Variants in ZEB2 observed in about 807,000 individuals in gnomAD.
ZEB2 encodes the protein zinc finger E-box binding homeobox 2.
ZEB2 carries 6 observed loss-of-function variants against 99.9 expected under a neutral mutation model. The observed-to-expected ratio is 0.06, with a 90% confidence interval of 0.03 to 0.12. The LOEUF (loss-of-function observed/expected upper bound fraction) is 0.12. ZEB2 is among the 10% of genes least tolerant of loss of function. The pLI, the probability that ZEB2 is intolerant of heterozygous loss-of-function variation, is 1.00. For missense variants in ZEB2, 969 were observed against 1,502.8 expected, an observed-to-expected ratio of 0.64 and a Z score of 5.87; for synonymous variants, 517 against 542.5, an observed-to-expected ratio of 0.95 and a Z score of 0.65.
chr2:144,520,018 A>G lies in ZEB2; in HGVS notation c.-149T>C, dbSNP rs1178647001. On this transcript the variant is annotated 5_prime_UTR_variant, in exon 1 of 10. Transcript: ENST00000627532. The stretch of plus-strand genomic sequence containing the variant: ...AGAAGCCGCGAAGTGTGGGGGAGAA[A>G]AAGGTGGAAGCGAAGAAACAGCTCC... The G allele has an allele frequency of 6.6e-6, 3 of 454,346 alleles. No homozygotes were observed. The highest frequency in any genetic ancestry group is 1.3e-5 in the Non-Finnish European group (3 of 226,782). The allele number at this position is 454,346 out of a possible 1,614,324, so 28.1% of individuals were successfully genotyped here. A position where few individuals can be genotyped will look rare whatever the true frequency, so the allele number is the denominator to read the frequency against.
intron 2 of ZEB2, among the ~76,000 whole-genome samples, chr2:144,505,625 G>A (rs1211418277): frequency 1.3e-5 from 2 of 152,168 alleles, no homozygotes; most frequent in African/African-American, 4.8e-5. Flanking sequence ...GGAGTGGGGG[G>A]TGTGGTTGAG....
At chr2:144,465,380 A>G (rs1704257154) in intron 2 of ZEB2, among the ~76,000 whole-genome samples, 1 of 152,160 alleles carries the variant, frequency 6.6e-6, no homozygotes, top group African/African-American at 2.4e-5. Context: ...GTTTATGAAG[A>G]CACTGGAGCA....
intron 3 of ZEB2, chr2:144,427,981 T>C (rs1703711457): frequency 6.6e-6 from 1 of 152,174 alleles, no homozygotes; most frequent in South Asian, 2.1e-4. Context: ...GCTGCCACAA[T>C]CACAAACTAC....
intron 2 of ZEB2, among the ~76,000 whole-genome samples, chr2:144,455,822 T>TA (rs1290237168): frequency 8.5e-5 from 13 of 152,154 alleles, no homozygotes; most frequent in Non-Finnish European, 1.5e-4. Flanking sequence ...TGGGTAAGTT[T>TA]AATATCTTTC....
At chr2:144,401,143 A>G in intron 7 of ZEB2, 56 bp downstream of exon 7, 1 of 1,495,500 alleles carries the variant, frequency 6.7e-7, no homozygotes, top group Non-Finnish European at 9.3e-7. Flanking sequence ...CAATCTTTTA[A>G]AACTCCCCTA....
chr2:144,428,998 A>G (rs771220437), intron 3 of ZEB2: 12 of 152,250 alleles, frequency 7.9e-5, no homozygotes, highest in Non-Finnish European at 1.3e-4. Context: ...GAAAGTTCAC[A>G]GGAATAAGAT....
At chr2:144,503,271 T>C (rs1704900326) in intron 2 of ZEB2, among the ~76,000 whole-genome samples, 1 of 152,194 alleles carries the variant, frequency 6.6e-6, no homozygotes, top group African/African-American at 2.4e-5. Flanking sequence ...GAAAACATAT[T>C]GTTCAGAATT....
chr2:144,431,652 A>C (rs767257588), intron 2 of ZEB2, among the ~76,000 whole-genome samples: 5 of 151,834 alleles, frequency 3.3e-5, no homozygotes, highest in Admixed American at 6.6e-5. Context: ...CAGGCTGGGT[A>C]ATGCCCTCAG....
chr2:144,481,425 A>C (rs1218236083), intron 2 of ZEB2, among the ~76,000 whole-genome samples: 1 of 152,206 alleles, frequency 6.6e-6, no homozygotes, highest in Non-Finnish European at 1.5e-5. Flanking sequence ...CAACATGGAA[A>C]TTGTATTTCT....
chr2:144,405,069 C>T (rs1392078041), intron 4 of ZEB2, 45 bp from the exon 5 acceptor site: 4 of 1,587,462 alleles, frequency 2.5e-6, no homozygotes. Flanking sequence ...GGGCCTTCTT[C>T]CTAGGATCCC....
intron 3 of ZEB2, chr2:144,428,157 T>C (rs1703714363): frequency 6.6e-6 from 1 of 152,198 alleles, no homozygotes; most frequent in Non-Finnish European, 1.5e-5. Flanking sequence ...GATTTCTAGA[T>C]ATTAAAATTT....
At chr2:144,439,151 A>C (rs917808016) in intron 2 of ZEB2, among the ~76,000 whole-genome samples, 3 of 151,888 alleles carry the variant, frequency 2.0e-5, no homozygotes, top group Non-Finnish European at 2.9e-5. Context: ...AAAAAAAAAA[A>C]AAACTTAAGG....
chr2:144,500,192 T>C (rs1704848231), intron 2 of ZEB2, among the ~76,000 whole-genome samples: 1 of 152,208 alleles, frequency 6.6e-6, no homozygotes, highest in Non-Finnish European at 1.5e-5. Context: ...TTTTTTTTAC[T>C]TTTAAATTCT....
intron 2 of ZEB2, among the ~76,000 whole-genome samples, chr2:144,440,502 TA>T (rs1703893681): frequency 1.6e-3 from 19 of 11,538 alleles, no homozygotes; most frequent in African/African-American, 4.0e-3. Context: ...TATATATATA[TA>T]TATATATATA....
chr2:144,395,180 G>A (rs1208021657), intron 9 of ZEB2, among the ~76,000 whole-genome samples: 1 of 151,606 alleles, frequency 6.6e-6, no homozygotes, highest in Non-Finnish European at 1.5e-5. Flanking sequence ...AAAATATTTT[G>A]TAGAGTCAAG....
At chr2:144,457,448 A>C (rs1187485718) in intron 2 of ZEB2, among the ~76,000 whole-genome samples, 1 of 152,166 alleles carries the variant, frequency 6.6e-6, no homozygotes, top group African/African-American at 2.4e-5. Flanking sequence ...GAGCAAACAA[A>C]AGCCAAAATA....
At chr2:144,502,645 G>C (rs1297494543) in intron 2 of ZEB2, among the ~76,000 whole-genome samples, 1 of 152,088 alleles carries the variant, frequency 6.6e-6, no homozygotes, top group Non-Finnish European at 1.5e-5. Flanking sequence ...GAGGCAGAGG[G>C]GGAACAAAAA....
chr2:144,423,545 G>A (rs1056630299), intron 4 of ZEB2, among the ~76,000 whole-genome samples: 2 of 152,138 alleles, frequency 1.3e-5, no homozygotes, highest in Non-Finnish European at 2.9e-5. Context: ...GTTCCAAAGA[G>A]GAAAACTGAC....
At chr2:144,423,249 A>C (rs1364329400) in intron 4 of ZEB2, among the ~76,000 whole-genome samples, 1 of 152,198 alleles carries the variant, frequency 6.6e-6, no homozygotes, top group Non-Finnish European at 1.5e-5. Context: ...TGACACTTTA[A>C]GTGCTTATAA....
Sources: gnomAD v4.1 joint callset for allele counts (sites outside exome capture counted in the v4.1 genomes callset) on GRCh38, gnomAD v4.1.1 for gene constraint, MANE v1.5 for transcripts, NCBI Gene and HGNC (gene_info 2026-07-23, HGNC 2026-07-21) for gene names.